The following ITGBL1 variants were observed in gnomAD, a reference collection of about 807,000 sequenced individuals.
ITGBL1 encodes the protein integrin subunit beta like 1.
In ITGBL1, 51 loss-of-function variants were observed where a neutral mutation model predicts 68.5. The ratio of observed to expected loss-of-function variants is 0.74; its 90% CI spans 0.59 to 0.94. The LOEUF (loss-of-function observed/expected upper bound fraction) is 0.94, where lower values mean the gene tolerates loss of function less well. ITGBL1 is among the 40% of genes least tolerant of loss of function. The probability of loss-of-function intolerance (pLI) is 0.00; values close to 1 mark genes in which losing one functional copy is unlikely to be tolerated. For synonymous variants in ITGBL1, 209 were observed against 227.3 expected (o/e 0.92, Z 0.72); for missense variants, 649 against 647.4 (o/e 1.00, Z -0.03).
chr13:101,519,291 A>G (rs2049245534), intron 2 of ITGBL1, among the ~76,000 whole-genome samples: 1 of 152,140 alleles, frequency 6.6e-6, no homozygotes, highest in Admixed American at 6.6e-5. Flanking sequence ...AGTGATGAAA[A>G]TGTTCTTCAT....
At chr13:101,598,454 T>C (rs1036435) in intron 7 of ITGBL1, among the ~76,000 whole-genome samples, 155 bp downstream of exon 7, 150,984 of 152,068 alleles carry the variant, frequency 0.99, 74,959 homozygotes, top group Middle Eastern at 1. Flanking sequence ...TATTATTATA[T>C]TTTAAGTTTT....
At chr13:101,560,265 G>A (rs1433069378) in intron 2 of ITGBL1, among the ~76,000 whole-genome samples, 2 of 152,166 alleles carry the variant, frequency 1.3e-5, no homozygotes, top group Non-Finnish European at 2.9e-5. Flanking sequence ...GTTATAAACT[G>A]AGCATATTTG....
chr13:101,469,204 G>A (rs1425959917), intron 2 of ITGBL1, among the ~76,000 whole-genome samples: 1 of 152,174 alleles, frequency 6.6e-6, no homozygotes, highest in African/African-American at 2.4e-5. Context: ...ATACTGCAAA[G>A]AGAGAGAAGA....
At chr13:101,719,491 T>C (rs557224080), downstream of ITGBL1, 2 of 152,242 alleles carry the variant, frequency 1.3e-5, no homozygotes, top group South Asian at 4.1e-4. Context: ...CATTTTGCTC[T>C]TTACATAGGG....
intron 7 of ITGBL1, among the ~76,000 whole-genome samples, chr13:101,621,145 G>A (rs539794177): frequency 6.6e-6 from 1 of 152,242 alleles, no homozygotes; most frequent in South Asian, 2.1e-4. Context: ...GCTGCTTGAT[G>A]CTAATATCAT....
chr13:101,691,717 G>A (rs537633997), intron 7 of ITGBL1, among the ~76,000 whole-genome samples: 4 of 152,282 alleles, frequency 2.6e-5, no homozygotes, highest in African/African-American at 9.6e-5. Context: ...ATGGTTAGTT[G>A]TGCAAACTTT....
chr13:101,453,903 G>T lies in ITGBL1; in HGVS notation c.119G>T (p.Cys40Phe), dbSNP rs1158445475. The T allele has an allele frequency of 3.2e-6, 4 of 1,258,588 alleles. No homozygotes were observed. Among genetic ancestry groups the T allele is most frequent in the African/African-American group, 3.1e-5 (2 of 64,192 alleles). 78.0% of individuals were successfully genotyped at this position (1,258,588 alleles called of 1,614,324 possible). The change falls in exon 2 of 11, where the codon TGC becomes TTC. Residue 40 changes from cysteine to phenylalanine, a missense_variant. Transcript: ENST00000376180. ...CGCAGGAGCTGGCCGGGCGCCGCCT[G>T]CAGGCTGTCCCGGGCCGAGTCGGAG... Reference protein sequence around the residue: ...PSLRSWPGAACRLSRAESERR... With the variant: ...PSLRSWPGAAFRLSRAESERR...
intron 6 of ITGBL1, among the ~76,000 whole-genome samples, chr13:101,597,562 T>G (rs928515968): frequency 8.6e-5 from 13 of 151,746 alleles, no homozygotes; most frequent in African/African-American, 3.1e-4. Flanking sequence ...TGTTTTTTTG[T>G]TTTTTTTGAG....
At chr13:101,525,870 G>T (rs923335811) in intron 2 of ITGBL1, among the ~76,000 whole-genome samples, 1 of 151,354 alleles carries the variant, frequency 6.6e-6, no homozygotes, top group Non-Finnish European at 1.5e-5. Context: ...TGTTTTTATG[G>T]GTTTTGATAT....
At chr13:101,646,914 C>A (rs2139442863) in intron 7 of ITGBL1, among the ~76,000 whole-genome samples, 1 of 152,158 alleles carries the variant, frequency 6.6e-6, no homozygotes, top group South Asian at 2.1e-4. Context: ...AAGCTAAATC[C>A]TGGAGTTTTA....
chr13:101,717,807 G>A (rs1265465702), downstream of ITGBL1: 1 of 152,124 alleles, frequency 6.6e-6, no homozygotes, highest in African/African-American at 2.4e-5. Flanking sequence ...AGCTCCACTG[G>A]AACTGCCCTT....
At chr13:101,665,007 T>G (rs773081920) in intron 7 of ITGBL1, among the ~76,000 whole-genome samples, 9 of 152,226 alleles carry the variant, frequency 5.9e-5, no homozygotes, top group African/African-American at 9.7e-5. Flanking sequence ...GTGCTGAGAT[T>G]ACAGGCATGA....
intron 2 of ITGBL1, among the ~76,000 whole-genome samples, chr13:101,562,457 G>T (rs1356054950): frequency 1.3e-5 from 2 of 151,904 alleles, no homozygotes; most frequent in Non-Finnish European, 2.9e-5. Flanking sequence ...TTAAGACATT[G>T]ACAGGTTAAA....
chr13:101,528,601 A>G (rs1427306666), intron 2 of ITGBL1, among the ~76,000 whole-genome samples: 8 of 151,930 alleles, frequency 5.3e-5, no homozygotes, highest in African/African-American at 1.9e-4. Flanking sequence ...TGCTTAAAAT[A>G]TTTTTTAAAT....
chr13:101,454,434 A>C (rs992233864), intron 2 of ITGBL1, among the ~76,000 whole-genome samples: 46 of 137,734 alleles, frequency 3.3e-4, no homozygotes, highest in African/African-American at 1.0e-3. Flanking sequence ...GAATCAAGCT[A>C]TCCTCCCTCC....
intron 7 of ITGBL1, among the ~76,000 whole-genome samples, chr13:101,599,236 T>G (rs887011425): frequency 2.0e-5 from 3 of 151,932 alleles, no homozygotes; most frequent in African/African-American, 7.2e-5. Flanking sequence ...AATGTCTTCT[T>G]TTGAGAAGTG....
At chr13:101,610,230 T>C (rs1004558086) in intron 7 of ITGBL1, among the ~76,000 whole-genome samples, 5 of 152,148 alleles carry the variant, frequency 3.3e-5, no homozygotes, top group African/African-American at 1.2e-4. Flanking sequence ...GCAAACCAGA[T>C]ACTTTTATGG....
At chr13:101,532,396 A>G (rs776324964) in intron 2 of ITGBL1, among the ~76,000 whole-genome samples, 47 of 152,194 alleles carry the variant, frequency 3.1e-4, no homozygotes, top group Non-Finnish European at 6.2e-4. Flanking sequence ...GCTTAACTAT[A>G]TTTTAGCAGA....
At chr13:101,684,601 AT>A (rs1244667256) in intron 7 of ITGBL1, among the ~76,000 whole-genome samples, 1 of 151,924 alleles carries the variant, frequency 6.6e-6, no homozygotes, top group Non-Finnish European at 1.5e-5. Context: ...AATCCATATT[AT>A]TTGTTAGTAG....
Sources: allele counts gnomAD v4.1 joint callset (sites outside exome capture counted in the v4.1 genomes callset), GRCh38; gene constraint gnomAD v4.1.1; transcripts MANE v1.5; gene names NCBI Gene and HGNC (gene_info 2026-07-23, HGNC 2026-07-21).